Variants in IL1RAPL2 observed in about 807,000 individuals in gnomAD.
IL1RAPL2 encodes the protein X-linked interleukin-1 receptor accessory protein-like 2.
In IL1RAPL2, 3 loss-of-function variants were observed where a neutral mutation model predicts 44.1. That is an observed-to-expected ratio of 0.07 (90% CI 0.03 to 0.18). The LOEUF (loss-of-function observed/expected upper bound fraction) is 0.18, where lower values mean the gene tolerates loss of function less well. Ranked by LOEUF, IL1RAPL2 falls within the 10% of genes least tolerant of loss-of-function variation. The pLI, the probability that IL1RAPL2 is intolerant of heterozygous loss-of-function variation, is 1.00. For missense variants in IL1RAPL2, 391 were observed against 496.4 expected (o/e 0.79, Z 2.02); for synonymous variants, 181 against 178.8 (o/e 1.01, Z -0.10).
intron 10 of IL1RAPL2, among the ~76,000 whole-genome samples, chrX:105,759,164 T>G (rs751743690): frequency 8.9e-6 from 1 of 112,240 alleles, no homozygotes. Context: ...TGTAAAAAGT[T>G]ATTGAATCAG....
intron 1 of IL1RAPL2, among the ~76,000 whole-genome samples, chrX:104,598,850 A>G (rs1342185786): frequency 8.9e-6 from 1 of 112,553 alleles, no homozygotes. Context: ...AATGGTAGGG[A>G]CAGTACTTAT....
chrX:105,105,720 C>G (rs1305191355), intron 2 of IL1RAPL2, among the ~76,000 whole-genome samples: 3 of 112,308 alleles, frequency 2.7e-5, no homozygotes, highest in Non-Finnish European at 3.8e-5. Flanking sequence ...TTTAATCCCT[C>G]CTATAAAGGT....
chrX:104,778,380 A>C (rs1266896850), intron 2 of IL1RAPL2, among the ~76,000 whole-genome samples: 1 of 110,414 alleles, frequency 9.1e-6, no homozygotes, highest in East Asian at 2.8e-4. Context: ...TATCTCCAAT[A>C]TACTTCCTAA....
At chrX:105,585,862 A>G (rs2037124417) in intron 6 of IL1RAPL2, among the ~76,000 whole-genome samples, 1 of 112,531 alleles carries the variant, frequency 8.9e-6, no homozygotes, top group African/African-American at 3.2e-5. Flanking sequence ...TATGATTTAT[A>G]TTCCTTTGGG....
At chrX:105,356,846 G>A (rs1431692324) in intron 5 of IL1RAPL2, among the ~76,000 whole-genome samples, 1 of 112,069 alleles carries the variant, frequency 8.9e-6, no homozygotes, top group Non-Finnish European at 1.9e-5. Flanking sequence ...AATTTATGAT[G>A]CTATATCAAA....
chrX:104,638,301 A>G (rs1416010828), intron 1 of IL1RAPL2, among the ~76,000 whole-genome samples: 1 of 111,253 alleles, frequency 9.0e-6, no homozygotes, highest in African/African-American at 3.3e-5. Flanking sequence ...TCTTTTCAAA[A>G]AAGCCAACTT....
chrX:105,219,150 C>A (rs1060551), intron 3 of IL1RAPL2: 13,326 of 1,208,669 alleles, frequency 0.011, 65 homozygotes, highest in Non-Finnish European at 0.013. Flanking sequence ...TTCTGTGGGG[C>A]CCCCCATCAG....
At chrX:104,838,839 CT>C (rs1921817340) in intron 2 of IL1RAPL2, among the ~76,000 whole-genome samples, 1 of 63,890 alleles carries the variant, frequency 1.6e-5, no homozygotes, top group Non-Finnish European at 2.8e-5. Flanking sequence ...TTCTTTCTTT[CT>C]TTCTTTCTTT....
At chrX:105,108,487 T>C (rs1300200821) in intron 2 of IL1RAPL2, among the ~76,000 whole-genome samples, 2 of 79,220 alleles carry the variant, frequency 2.5e-5, no homozygotes, top group African/African-American at 4.7e-5. Flanking sequence ...TGTGCTACCA[T>C]GCCCGGATTT....
chrX:105,213,344 T>C (rs1476364191), intron 3 of IL1RAPL2, among the ~76,000 whole-genome samples: 1 of 108,032 alleles, frequency 9.3e-6, no homozygotes, highest in Non-Finnish European at 1.9e-5. Flanking sequence ...CAAGTATCAA[T>C]AGCCAAACTG....
chrX:105,308,433 T>C (rs967451619), intron 5 of IL1RAPL2, among the ~76,000 whole-genome samples: 7 of 112,253 alleles, frequency 6.2e-5, no homozygotes, highest in African/African-American at 2.3e-4. Context: ...TAAATATACC[T>C]ATGTAACCCA....
rs994017227 is a variant in IL1RAPL2 at position 104,959,161 on chromosome X, A to C, written c.83-236314A>C. Among the ~76,000 whole-genome samples the C allele has an allele frequency of 2.7e-5, 3 of 111,238 alleles. No individual in the cohort carries two copies. The Admixed American group carries it at 2.9e-4, about 11-fold the overall frequency. Reference sequence around the variant, plus strand: ...GCTCTGTTAAAAAAAATTGCAAAGAAAGCATGAACACCTTAACTTCTCTCA... The same window carrying C: ...GCTCTGTTAAAAAAAATTGCAAAGACAGCATGAACACCTTAACTTCTCTCA... On this transcript the variant is annotated intron_variant, in intron 2 of 10. Coordinates refer to ENST00000372582, the MANE Select transcript of IL1RAPL2 (RefSeq NM_017416.2).
intron 1 of IL1RAPL2, among the ~76,000 whole-genome samples, chrX:104,638,624 T>G (rs947135608): frequency 1.8e-5 from 2 of 112,219 alleles, no homozygotes; most frequent in African/African-American, 6.5e-5. Flanking sequence ...CAATAATCAT[T>G]CAGGAGCATG....
At chrX:105,231,398 G>A (rs1160139413) in intron 3 of IL1RAPL2, among the ~76,000 whole-genome samples, 1 of 111,728 alleles carries the variant, frequency 9.0e-6, no homozygotes, top group African/African-American at 3.3e-5. Context: ...TATTTGACAA[G>A]CCATATACCT....
chrX:105,118,565 G>A (rs1322347368), intron 2 of IL1RAPL2, among the ~76,000 whole-genome samples: 3 of 112,154 alleles, frequency 2.7e-5, no homozygotes, highest in Non-Finnish European at 5.6e-5. Context: ...AGCTCTATGG[G>A]TAAGTTTAGG....
intron 2 of IL1RAPL2, among the ~76,000 whole-genome samples, chrX:104,816,540 A>G (rs944130700): frequency 7.1e-5 from 8 of 112,419 alleles, no homozygotes; most frequent in Non-Finnish European, 1.9e-5. Context: ...CATGGCTTTA[A>G]AAAATGAGAA....
At chrX:105,688,531 C>A (rs1408271513) in intron 6 of IL1RAPL2, among the ~76,000 whole-genome samples, 1 of 111,576 alleles carries the variant, frequency 9.0e-6, no homozygotes, top group African/African-American at 3.3e-5. Flanking sequence ...TGAAGGACCT[C>A]TTCAAGGAGA....
intron 2 of IL1RAPL2, among the ~76,000 whole-genome samples, chrX:104,999,828 C>T (rs776169183): frequency 1.8e-5 from 2 of 111,527 alleles, no homozygotes; most frequent in African/African-American, 3.3e-5. Context: ...TGTGATAATA[C>T]CCAATGACAT....
At chrX:105,476,394 G>A (rs768744541) in intron 5 of IL1RAPL2, among the ~76,000 whole-genome samples, 1 of 112,018 alleles carries the variant, frequency 8.9e-6, no homozygotes, top group South Asian at 3.7e-4. Flanking sequence ...ATTTTTAAAG[G>A]GTTGTAGTAG....
Sources: gnomAD v4.1 joint callset for allele counts (sites outside exome capture counted in the v4.1 genomes callset) on GRCh38, gnomAD v4.1.1 for gene constraint, MANE v1.5 for transcripts, NCBI Gene and HGNC (gene_info 2026-07-23, HGNC 2026-07-21) for gene names.